Variants in CENPV observed in about 807,000 individuals in gnomAD.
CENPV encodes the protein centromere protein V.
Under a neutral mutation model 26.4 loss-of-function variants are expected in CENPV, and 15 were observed. The observed-to-expected ratio is 0.57, with a 90% CI of 0.38 to 0.88. The LOEUF is 0.88. CENPV is among the 40% of genes least tolerant of loss of function. The probability of loss-of-function intolerance (pLI) is 0.00; values close to 1 mark genes in which losing one functional copy is unlikely to be tolerated. For missense variants in CENPV, 336 were observed against 376.5 expected (o/e 0.89, Z 0.89); for synonymous variants, 172 against 165.5 (o/e 1.04, Z -0.30).
intron 4 of CENPV, among the ~76,000 whole-genome samples, chr17:16,343,832 C>G (rs991922722): frequency 6.6e-6 from 1 of 150,906 alleles, no homozygotes; most frequent in East Asian, 2.0e-4. Flanking sequence ...TAGCTGCTCT[C>G]GCAGCTCTGG....
chr17:16,342,949 A>G lies in CENPV; in HGVS notation c.695-8T>C, dbSNP rs2093188737. 6.2e-7 allele frequency: 1 copy of G among 1,613,964 alleles called. No individual in the cohort carries two copies. Among genetic ancestry groups the G allele is most frequent in the Non-Finnish European group, 8.5e-7 (1 of 1,180,006 alleles). ...GGCAGTGGGGGGCAATTCCTACGAG[A>G]AAGTGGCACAGACAAAGGGGGATCC... On this transcript the variant is annotated splice_polypyrimidine_tract_variant and splice_region_variant and intron_variant, in intron 4 of 4. Transcript: ENST00000299736.
intron 3 of CENPV, among the ~76,000 whole-genome samples, chr17:16,345,948 T>C (rs1461080454): frequency 6.6e-6 from 1 of 152,112 alleles, no homozygotes; most frequent in African/African-American, 2.4e-5. Context: ...ATTTCCTTAA[T>C]GGATAATACA....
chr17:16,350,113 G>T, intron 1 of CENPV, 84 bp from the exon 2 acceptor site: 1 of 1,521,634 alleles, frequency 6.6e-7, no homozygotes, highest in Non-Finnish European at 8.9e-7. Context: ...AAAGACAGAA[G>T]ATTAGACAAA....
At chr17:16,350,329 T>C (rs991835674) in intron 1 of CENPV, among the ~76,000 whole-genome samples, 1 of 152,054 alleles carries the variant, frequency 6.6e-6, no homozygotes. Flanking sequence ...TTTTTATTTA[T>C]ATGTCAAATA....
intron 1 of CENPV, 151 bp downstream of exon 1, chr17:16,352,876 C>T (rs1360856836): frequency 3.4e-6 from 4 of 1,166,130 alleles, no homozygotes; most frequent in African/African-American, 1.6e-5. Flanking sequence ...GGAATAACCC[C>T]AGTGCTAACG....
intron 4 of CENPV, chr17:16,344,316 A>G: frequency 4.5e-6 from 1 of 223,752 alleles, no homozygotes; most frequent in Non-Finnish European, 8.7e-6. Context: ...CACCATCCCC[A>G]GCAACACCAG....
In CENPV at chr17:16,342,556, A is replaced by T. The variant is rs2093186893; in HGVS notation, c.*261T>A. ...GACTGCTTTAATGTTAAAAATATTT[A>T]TTTTTTTTCCTAAAAGATCACACAA... On this transcript the variant is annotated 3_prime_UTR_variant, in exon 5 of 5. Coordinates refer to ENST00000299736, the MANE Select transcript of CENPV (RefSeq NM_181716.3). 5 of 548,862 alleles carry T rather than the reference A, an allele frequency of 9.1e-6. No homozygotes were observed. Among genetic ancestry groups the T allele is most frequent in the Admixed American group, 3.2e-5 (1 of 31,580 alleles). The allele number at this position is 548,862 out of a possible 1,614,324, so 34.0% of individuals were successfully genotyped here.
At position 16,342,741 on chromosome 17, in the gene CENPV, C is replaced by T. The variant is rs2093187498; in HGVS notation, c.*76G>A. On this transcript the variant is annotated 3_prime_UTR_variant, in exon 5 of 5. Transcript: ENST00000299736. Reference sequence around the variant, plus strand: ...CCCAGGTCAGCCACATTCAGGAGCACCACCGAGGCACGGCAGGGAGAGCAA... The same window carrying T: ...CCCAGGTCAGCCACATTCAGGAGCATCACCGAGGCACGGCAGGGAGAGCAA... 18 of 1,584,552 alleles carry T rather than the reference C, an allele frequency of 1.1e-5. No homozygotes were observed. Among genetic ancestry groups the T allele is most frequent in the Non-Finnish European group, 1.6e-5 (18 of 1,156,238 alleles).
intron 3 of CENPV, among the ~76,000 whole-genome samples, chr17:16,345,261 CAAAA>C (rs1180328905): frequency 6.6e-5 from 3 of 45,308 alleles, no homozygotes; most frequent in Admixed American, 4.5e-4. Flanking sequence ...GACTCCGTCT[CAAAA>C]AAAAAAAAAA....
intron 1 of CENPV, among the ~76,000 whole-genome samples, chr17:16,352,358 G>A (rs2093232097): frequency 1.3e-5 from 2 of 152,188 alleles, no homozygotes; most frequent in African/African-American, 4.8e-5. Context: ...GAGCAGCCAG[G>A]AGGGCGAGCG....
intron 3 of CENPV, 128 bp downstream of exon 3, chr17:16,348,488 C>T: frequency 1.3e-6 from 2 of 1,519,316 alleles, no homozygotes; most frequent in Non-Finnish European, 1.8e-6. Flanking sequence ...AAACCAAAGC[C>T]CGTGAGAGGC....
At chr17:16,345,027 T>C (rs2093199620) in intron 3 of CENPV, among the ~76,000 whole-genome samples, 1 of 151,966 alleles carries the variant, frequency 6.6e-6, no homozygotes, top group African/African-American at 2.4e-5. Flanking sequence ...CACCTTGGCC[T>C]CCCAAAGTGC....
chr17:16,353,294 C>T lies in CENPV; in HGVS notation c.143G>A (p.Ser48Asn), dbSNP rs1187061578. The change falls in exon 1 of 5, where the codon AGC (serine) becomes AAC (asparagine). Residue 48 changes from serine to asparagine, a missense_variant. Physicochemically the swap from Ser to Asn is conservative, Grantham distance 46 (BLOSUM62 1). Coordinates refer to ENST00000299736, the MANE Select transcript of CENPV (RefSeq NM_181716.3). The part of the protein sequence containing the change: ...RTRRSASQAG[S>N]KSQAVEKPPS... ...CGGCTTCTCCACCGCCTGGCTCTTG[C>T]TCCCGGCCTGGCTAGCGGAGCGCCG... 1 of 1,418,144 alleles carries T rather than the reference C, an allele frequency of 7.1e-7. No individual in the cohort carries two copies. The highest frequency in any genetic ancestry group is 2.6e-5 in the Admixed American group (1 of 38,024). The allele number at this position is 1,418,144 out of a possible 1,614,324, so 87.8% of individuals were successfully genotyped here. A position where few individuals can be genotyped will look rare whatever the true frequency, so the allele number is the denominator to read the frequency against.
intron 1 of CENPV, 54 bp downstream of exon 1, chr17:16,352,973 C>A: frequency 1.3e-6 from 2 of 1,483,608 alleles, no homozygotes; most frequent in Non-Finnish European, 1.8e-6. Flanking sequence ...CCGACTCCTG[C>A]CGAGGGGGTC....
intron 2 of CENPV, 181 bp from the exon 3 acceptor site, chr17:16,348,866 G>T: frequency 7.2e-7 from 1 of 1,392,952 alleles, no homozygotes; most frequent in Non-Finnish European, 9.3e-7. Flanking sequence ...GTACAGCAGA[G>T]CCCAGGGGGG....
Position 16,342,818 on chromosome 17 carries a change from C to T in CENPV, c.818G>A (p.Ter273=), listed in dbSNP as rs1433096134. The T allele has an allele frequency of 6.2e-7, 1 of 1,613,940 alleles. No homozygotes were observed. Among genetic ancestry groups the T allele is most frequent in the Non-Finnish European group, 8.5e-7 (1 of 1,180,032 alleles). Residue 273 remains the stop codon, a stop_retained_variant, in exon 5 of 5, where the codon TGA becomes TAA. Coordinates refer to ENST00000299736, the MANE Select transcript of CENPV (RefSeq NM_181716.3). ...HKTIKNMSKE[*] ...TTTCAGGGCAGGAGAGGCAGAAGCT[C>T]ACTCTTTAGACATGTTCTTGATGGT...
At chr17:16,349,877 G>T (rs1483275414) in intron 2 of CENPV, 54 bp downstream of exon 2, 8 of 1,599,280 alleles carry the variant, frequency 5.0e-6, no homozygotes, top group East Asian at 2.2e-5. Context: ...TTGAAATATT[G>T]CATTTTAACT....
Position 16,342,564 on chromosome 17 carries a change from T to C in CENPV, c.*253A>G, listed in dbSNP as rs2093186984. The C allele has an allele frequency of 3.7e-6, 2 of 544,508 alleles. No homozygotes were observed. The highest frequency in any genetic ancestry group is 6.5e-6 in the Non-Finnish European group (2 of 306,086). 33.7% of individuals were successfully genotyped at this position (544,508 alleles called of 1,614,324 possible). On this transcript the variant is annotated 3_prime_UTR_variant, in exon 5 of 5. Transcript: ENST00000299736. ...TAATGTTAAAAATATTTATTTTTTT[T>C]CCTAAAAGATCACACAAAAGTTGGG...
intron 3 of CENPV, chr17:16,347,438 G>A (rs1568866579): frequency 1.3e-5 from 2 of 151,972 alleles, no homozygotes; most frequent in African/African-American, 4.8e-5. Context: ...TTAAAGCCCC[G>A]CCCAACCCCA....
Sources: allele counts gnomAD v4.1 joint callset (sites outside exome capture counted in the v4.1 genomes callset), GRCh38; gene constraint gnomAD v4.1.1; transcripts MANE v1.5; gene names NCBI Gene and HGNC (gene_info 2026-07-23, HGNC 2026-07-21).